The following SLC9A9 variants were observed in gnomAD, a reference collection of about 807,000 sequenced individuals.
SLC9A9 encodes the protein sodium/hydrogen exchanger 9.
Under a neutral mutation model 77.8 loss-of-function variants are expected in SLC9A9, and 62 were observed. The ratio of observed to expected loss-of-function variants is 0.80; its 90% CI spans 0.65 to 0.98. SLC9A9 has a LOEUF of 0.98. Among genes scored for constraint, SLC9A9 ranks in the 50% least tolerant of loss-of-function variants. The pLI, the probability that SLC9A9 is intolerant of heterozygous loss-of-function variation, is 0.00. For synonymous variants in SLC9A9, 320 were observed against 283.5 expected (o/e 1.13, Z -1.29); for missense variants, 775 against 774.9 (o/e 1.00, Z 0.00).
intron 6 of SLC9A9, among the ~76,000 whole-genome samples, chr3:143,648,141 T>G (rs1415923276): frequency 6.6e-6 from 1 of 152,198 alleles, no homozygotes; most frequent in Non-Finnish European, 1.5e-5. Context: ...TATTTATTAC[T>G]CAGAATAGTT....
At chr3:143,787,280 A>G (rs1264914839) in intron 4 of SLC9A9, among the ~76,000 whole-genome samples, 1 of 152,218 alleles carries the variant, frequency 6.6e-6, no homozygotes, top group Admixed American at 6.5e-5. Context: ...GACGATATAC[A>G]CAATTATAAA....
At chr3:143,747,506 C>T (rs1935223575) in intron 4 of SLC9A9, among the ~76,000 whole-genome samples, 2 of 151,690 alleles carry the variant, frequency 1.3e-5, no homozygotes, top group African/African-American at 4.8e-5. Flanking sequence ...ACCCTAAATG[C>T]AATCACTTCT....
intron 14 of SLC9A9, among the ~76,000 whole-genome samples, chr3:143,300,534 A>C (rs1050095430): frequency 1.3e-5 from 2 of 152,230 alleles, no homozygotes; most frequent in Non-Finnish European, 2.9e-5. Flanking sequence ...TAAAATGCAG[A>C]TTCTGATTCA....
At chr3:143,738,977 T>G (rs770031125) in intron 4 of SLC9A9, among the ~76,000 whole-genome samples, 1 of 152,108 alleles carries the variant, frequency 6.6e-6, no homozygotes, top group African/African-American at 2.4e-5. Flanking sequence ...TTTAGGAGTT[T>G]TTATGGAGTC....
chr3:143,340,297 C>T (rs2032057179), intron 14 of SLC9A9, among the ~76,000 whole-genome samples: 1 of 152,168 alleles, frequency 6.6e-6, no homozygotes, highest in Non-Finnish European at 1.5e-5. Flanking sequence ...AAAGACAATG[C>T]TCAACACCAG....
intron 14 of SLC9A9, among the ~76,000 whole-genome samples, chr3:143,281,462 A>C (rs988366554): frequency 1.3e-5 from 2 of 152,190 alleles, no homozygotes; most frequent in African/African-American, 4.8e-5. Context: ...CTCCCACAGA[A>C]TTGGCCACAT....
chr3:143,295,510 A>G (rs1051946677), intron 14 of SLC9A9, among the ~76,000 whole-genome samples: 2 of 152,206 alleles, frequency 1.3e-5, no homozygotes, highest in Non-Finnish European at 1.5e-5. Context: ...GGGAACAAGA[A>G]TGGTGTGGAG....
chr3:143,467,893 C>T (rs1331552041), intron 11 of SLC9A9, among the ~76,000 whole-genome samples: 1 of 152,188 alleles, frequency 6.6e-6, no homozygotes, highest in Non-Finnish European at 1.5e-5. Context: ...TTTGTCATTT[C>T]AAGACAGTTA....
At chr3:143,782,689 C>T (rs2007919994) in intron 4 of SLC9A9, among the ~76,000 whole-genome samples, 1 of 152,210 alleles carries the variant, frequency 6.6e-6, no homozygotes, top group South Asian at 2.1e-4. Context: ...GTTATTTCTA[C>T]TATCTCTTCG....
At chr3:143,499,216 T>C (rs1346854696) in intron 9 of SLC9A9, among the ~76,000 whole-genome samples, 1 of 152,234 alleles carries the variant, frequency 6.6e-6, no homozygotes, top group Non-Finnish European at 1.5e-5. Context: ...ATTGGCATTT[T>C]AGTTGGAATA....
chr3:143,574,005 T>C (rs376169155), intron 8 of SLC9A9, 83 bp downstream of exon 8: 6 of 1,198,302 alleles, frequency 5.0e-6, no homozygotes, highest in Non-Finnish European at 1.2e-6. Context: ...TCATTTCACC[T>C]CCTGCTAGGT....
In SLC9A9 at chr3:143,433,342, CA is replaced by C. The variant is rs1476886704; in HGVS notation, c.1469+33694del. Among the ~76,000 whole-genome samples, 3 of 152,070 alleles carry C rather than the reference CA, an allele frequency of 2.0e-5. No homozygotes were observed. In the East Asian group the frequency reaches 5.8e-4, roughly 29 times the overall value. On this transcript the variant is annotated intron_variant, in intron 12 of 15. Coordinates refer to ENST00000316549, the MANE Select transcript of SLC9A9 (RefSeq NM_173653.4). ...AACAGCATGAAGATTTATTTTCATT[CA>C]AAAAATTGTGATTTTTTTGTGTGTT...
chr3:143,704,504 T>A (rs6782663), intron 4 of SLC9A9, among the ~76,000 whole-genome samples: 1 of 151,748 alleles, frequency 6.6e-6, no homozygotes, highest in Admixed American at 6.6e-5. Context: ...AAAAACGCAT[T>A]TGATACAGCT....
At chr3:143,328,283 G>T (rs1381676741) in intron 14 of SLC9A9, among the ~76,000 whole-genome samples, 1 of 152,170 alleles carries the variant, frequency 6.6e-6, no homozygotes, top group African/African-American at 2.4e-5. Flanking sequence ...TGTACTTTCT[G>T]CTCAATTTTT....
chr3:143,279,683 T>C lies in SLC9A9; in HGVS notation c.1605-10703A>G, dbSNP rs556660538. 2.3e-3 allele frequency among the ~76,000 whole-genome samples: 349 copies of C among 152,296 alleles called. 3 individuals carry two copies. The highest frequency in any genetic ancestry group is 7.9e-3 in the African/African-American group (330 of 41,572). On this transcript the variant is annotated intron_variant, in intron 14 of 15. Transcript: ENST00000316549. The stretch of plus-strand genomic sequence containing the variant: ...TGCGGTGTTTGGTTTTCTGTTCCTA[T>C]GTTAGTTTGCTGAGAATGATGCTGT...
At chr3:143,716,585 C>T (rs570199406) in intron 4 of SLC9A9, among the ~76,000 whole-genome samples, 1 of 151,990 alleles carries the variant, frequency 6.6e-6, no homozygotes, top group South Asian at 2.1e-4. Context: ...TTGTGAGAAC[C>T]AAGAGGAAGA....
At chr3:143,557,007 G>A (rs2036994454) in intron 8 of SLC9A9, among the ~76,000 whole-genome samples, 2 of 152,148 alleles carry the variant, frequency 1.3e-5, no homozygotes, top group Admixed American at 6.5e-5. Context: ...TGGTTATATG[G>A]TTTGGCTGTG....
At chr3:143,530,967 G>C (rs973327742) in intron 9 of SLC9A9, among the ~76,000 whole-genome samples, 1 of 152,106 alleles carries the variant, frequency 6.6e-6, no homozygotes, top group Non-Finnish European at 1.5e-5. Context: ...ATATAATTAT[G>C]AGTCCTAATT....
Position 143,328,631 on chromosome 3 carries a change from A to G in SLC9A9, c.1604+34853T>C, listed in dbSNP as rs2031675969. Among the ~76,000 whole-genome samples the G allele has an allele frequency of 2.0e-5, 3 of 152,114 alleles. No individual in the cohort carries two copies. The South Asian group carries it at 6.2e-4, about 32-fold the overall frequency. ...ACCTCCAACCCTCCACCTGGAAGTA[A>G]TTTCTGTCACTCCTACACCCTGGTG... On this transcript the variant is annotated intron_variant, in intron 14 of 15. Coordinates refer to ENST00000316549, the MANE Select transcript of SLC9A9 (RefSeq NM_173653.4).
Sources: gnomAD v4.1 joint callset for allele counts (sites outside exome capture counted in the v4.1 genomes callset) on GRCh38, gnomAD v4.1.1 for gene constraint, MANE v1.5 for transcripts, NCBI Gene and HGNC (gene_info 2026-07-23, HGNC 2026-07-21) for gene names.